DACH2: variants seen among roughly 807,000 people sequenced by gnomAD.
DACH2 encodes the protein dachshund homolog 2.
In DACH2, 17 loss-of-function variants were observed where a neutral mutation model predicts 35.8. The ratio of observed to expected loss-of-function variants is 0.48; its 90% CI spans 0.33 to 0.71. The LOEUF is 0.71. Ranked by LOEUF, DACH2 falls within the 30% of genes least tolerant of loss-of-function variation. DACH2 has a pLI of 0.02. For missense variants in DACH2, 469 were observed against 472.7 expected, an observed-to-expected ratio of 0.99 and a Z score of 0.07; for synonymous variants, 195 against 177.3, an observed-to-expected ratio of 1.10 and a Z score of -0.79.
chrX:86,301,040 A>G (rs2034566238), intron 1 of DACH2, among the ~76,000 whole-genome samples: 1 of 112,136 alleles, frequency 8.9e-6, no homozygotes, highest in African/African-American at 3.2e-5. Context: ...GAAAAAGAAT[A>G]CAATGTTTGT....
intron 5 of DACH2, among the ~76,000 whole-genome samples, chrX:86,707,332 C>A (rs754518301): frequency 9.0e-6 from 1 of 111,586 alleles, no homozygotes; most frequent in East Asian, 2.8e-4. Context: ...GAAATAAAAT[C>A]TATAATTAAA....
chrX:86,387,981 C>T (rs2036145964), intron 2 of DACH2, among the ~76,000 whole-genome samples: 4 of 112,440 alleles, frequency 3.6e-5, no homozygotes, highest in Admixed American at 1.9e-4. Context: ...GCATGTGCTC[C>T]CAGCCAATGG....
chrX:86,203,137 T>C (rs1011158690), intron 1 of DACH2, among the ~76,000 whole-genome samples: 11 of 111,482 alleles, frequency 9.9e-5, no homozygotes. Flanking sequence ...TTTCTTGTTC[T>C]TGAAGACAGA....
intron 1 of DACH2, among the ~76,000 whole-genome samples, chrX:86,177,049 T>C (rs1205106499): frequency 8.9e-6 from 1 of 111,856 alleles, no homozygotes; most frequent in Non-Finnish European, 1.9e-5. Context: ...GATACAGGCG[T>C]ACAATGGATA....
intron 3 of DACH2, among the ~76,000 whole-genome samples, chrX:86,521,284 C>T (rs189155858): frequency 4.1e-4 from 46 of 111,663 alleles, no homozygotes; most frequent in Non-Finnish European, 5.5e-4. Context: ...TAGCCTGATA[C>T]GGTTACTTTT....
intron 1 of DACH2, among the ~76,000 whole-genome samples, chrX:86,308,704 A>G (rs1472078047): frequency 1.8e-5 from 2 of 111,469 alleles, no homozygotes; most frequent in African/African-American, 6.5e-5. Context: ...CCCCAAGGAG[A>G]CCACTGGCCT....
chrX:86,767,445 G>T (rs914134560), intron 7 of DACH2, among the ~76,000 whole-genome samples: 1 of 111,835 alleles, frequency 8.9e-6, no homozygotes, highest in Non-Finnish European at 1.9e-5. Context: ...ATCAAGGAAG[G>T]AGGGTACCTA....
intron 1 of DACH2, among the ~76,000 whole-genome samples, chrX:86,370,114 G>T (rs1297119717): frequency 1.8e-5 from 2 of 111,131 alleles, no homozygotes; most frequent in Non-Finnish European, 3.8e-5. Context: ...ACTATCTCAT[G>T]GAGTTTACAG....
At chrX:86,256,626 AG>A (rs1484791091) in intron 1 of DACH2, among the ~76,000 whole-genome samples, 59 of 112,274 alleles carry the variant, frequency 5.3e-4, no homozygotes, top group African/African-American at 1.9e-3. Context: ...AATGTAAAAC[AG>A]TGCCATTCTT....
At chrX:86,771,656 G>A (rs889023531) in intron 7 of DACH2, among the ~76,000 whole-genome samples, 5 of 111,755 alleles carry the variant, frequency 4.5e-5, no homozygotes, top group African/African-American at 1.3e-4. Context: ...AAAATGCAGC[G>A]TTCACAAAAC....
intron 1 of DACH2, among the ~76,000 whole-genome samples, chrX:86,257,221 C>G (rs2033537779): frequency 9.0e-6 from 1 of 111,560 alleles, no homozygotes; most frequent in Non-Finnish European, 1.9e-5. Context: ...ATCATCATCA[C>G]TTTTGTCATC....
At chrX:86,200,635 C>CAAAAAAA (rs56012558) in intron 1 of DACH2, among the ~76,000 whole-genome samples, 1 of 47,692 alleles carries the variant, frequency 2.1e-5, no homozygotes, top group Non-Finnish European at 3.9e-5. Context: ...TGAACTTTTC[C>CAAAAAAA]AAAAAAAAAA....
intron 1 of DACH2, among the ~76,000 whole-genome samples, chrX:86,166,595 A>G (rs757340568): frequency 4.5e-5 from 5 of 111,208 alleles, no homozygotes; most frequent in Non-Finnish European, 9.5e-5. Context: ...GCCTTCCAGT[A>G]CTATGTTGAA....
intron 1 of DACH2, among the ~76,000 whole-genome samples, chrX:86,187,330 T>G (rs2031710839): frequency 9.0e-6 from 1 of 111,626 alleles, no homozygotes; most frequent in Admixed American, 9.6e-5. Flanking sequence ...AATAACTTAT[T>G]TTATAATATA....
At chrX:86,805,272 C>T (rs2042332877) in intron 7 of DACH2, among the ~76,000 whole-genome samples, 1 of 112,671 alleles carries the variant, frequency 8.9e-6, no homozygotes, top group African/African-American at 3.2e-5. Flanking sequence ...TGGCTTTTTC[C>T]TCTAAAGTAT....
chrX:86,435,604 C>T (rs1411211762), intron 2 of DACH2, among the ~76,000 whole-genome samples: 1 of 111,840 alleles, frequency 8.9e-6, no homozygotes, highest in African/African-American at 3.2e-5. Context: ...TTTGGAATGT[C>T]CACATCGATA....
intron 1 of DACH2, among the ~76,000 whole-genome samples, chrX:86,342,286 C>T (rs1002185066): frequency 3.6e-5 from 4 of 110,578 alleles, no homozygotes; most frequent in African/African-American, 1.3e-4. Context: ...ATCTCTTGAG[C>T]CCAGGAGTTC....
At chrX:86,827,812 G>T in intron 11 of DACH2, 2 of 1,159,273 alleles carry the variant, frequency 1.7e-6, no homozygotes, top group Non-Finnish European at 2.3e-6. Context: ...GCACGAATAG[G>T]GTGCTGTAGC....
chrX:86,524,446 T>G (rs1362505952), intron 3 of DACH2, among the ~76,000 whole-genome samples: 1 of 112,361 alleles, frequency 8.9e-6, no homozygotes, highest in Non-Finnish European at 1.9e-5. Context: ...TCATTGCATT[T>G]TCTTTAATTC....
Sources: gnomAD v4.1 joint callset for allele counts (sites outside exome capture counted in the v4.1 genomes callset) on GRCh38, gnomAD v4.1.1 for gene constraint, MANE v1.5 for transcripts, NCBI Gene and HGNC (gene_info 2026-07-23, HGNC 2026-07-21) for gene names.